The following POLR1C variants were observed in gnomAD, a reference collection of about 807,000 sequenced individuals.
POLR1C encodes RNA polymerase I and III subunit C.
POLR1C carries 42 observed loss-of-function variants against 38.3 expected under a neutral mutation model. That is an observed-to-expected ratio of 1.10 (90% confidence interval 0.86 to 1.42). The LOEUF (loss-of-function observed/expected upper bound fraction) is 1.42, where lower values mean the gene tolerates loss of function less well. Ranked by LOEUF, POLR1C falls within the 40% of genes most tolerant of loss-of-function variation. The pLI is 0.00. For missense variants in POLR1C, 507 were observed against 450.5 expected (o/e 1.13, Z -1.14); for synonymous variants, 163 against 163.9 (o/e 0.99, Z 0.04).
At chr6:43,533,946 C>T, downstream of POLR1C, 1 of 1,607,402 alleles carries the variant, frequency 6.2e-7, no homozygotes. Flanking sequence ...ATATCCAGAG[C>T]CTTGGTGAAA....
chr6:43,555,862 G>C (rs771227200), intron 10 of POLR1C: 1 of 1,613,916 alleles, frequency 6.2e-7, no homozygotes, highest in South Asian at 1.1e-5. Context: ...ATCAAGAAAA[G>C]TTGATAGTTG....
intron 8 of POLR1C, chr6:43,527,530 A>C (rs1793676563): frequency 8.4e-7 from 1 of 1,191,240 alleles, no homozygotes; most frequent in East Asian, 2.4e-5. Context: ...GCCCGCCGCA[A>C]ACATGAATCC....
intron 9 of POLR1C, chr6:43,548,405 A>G (rs773216722): frequency 6.2e-7 from 1 of 1,610,078 alleles, no homozygotes; most frequent in South Asian, 1.1e-5. Flanking sequence ...TTGTGTCAGG[A>G]GTAGCTCATT....
downstream of POLR1C, chr6:43,522,670 T>G (rs1275935866): frequency 2.1e-6 from 1 of 480,432 alleles, no homozygotes; most frequent in Admixed American, 2.1e-5. Flanking sequence ...CCGCACCAGC[T>G]AAAAACTGTA....
intron 6 of POLR1C, 77 bp from the exon 7 acceptor site, chr6:43,520,548 C>T: frequency 6.2e-7 from 1 of 1,601,452 alleles, no homozygotes; most frequent in Non-Finnish European, 8.6e-7. Flanking sequence ...TGTGCTTTTG[C>T]TGTTAGTAGC....
At chr6:43,561,646 T>C (rs1047383230) in exon 11 of POLR1C, 1 of 153,138 alleles carries the variant, frequency 6.5e-6, no homozygotes, top group African/African-American at 2.4e-5. Flanking sequence ...CCCAAAATGC[T>C]GGGATTACAG....
At chr6:43,556,000 CA>C in intron 10 of POLR1C, 3 of 1,610,214 alleles carry the variant, frequency 1.9e-6, no homozygotes, top group Non-Finnish European at 2.5e-6. Flanking sequence ...GGACAGGAAT[CA>C]ATAACTGGTA....
intron 3 of POLR1C, 69 bp from the exon 4 acceptor site, chr6:43,519,637 T>G: frequency 6.3e-7 from 1 of 1,593,764 alleles, no homozygotes; most frequent in Non-Finnish European, 8.6e-7. Flanking sequence ...CTCTGGAGGT[T>G]GGGGTTACGG....
intron 9 of POLR1C, among the ~76,000 whole-genome samples, chr6:43,535,761 C>T (rs1161053680): frequency 6.8e-6 from 1 of 147,140 alleles, no homozygotes; most frequent in Non-Finnish European, 1.5e-5. Context: ...TTGCAATGAG[C>T]TGAAATCGCG....
At chr6:43,525,366 G>A (rs994716502), downstream of POLR1C, 11 of 697,088 alleles carry the variant, frequency 1.6e-5, no homozygotes, top group African/African-American at 2.0e-4. Flanking sequence ...CTGAACTCCT[G>A]GGCTCAAGCT....
exon 11 of POLR1C, chr6:43,562,170 C>T: frequency 4.3e-6 from 5 of 1,150,632 alleles, no homozygotes; most frequent in Non-Finnish European, 6.3e-6. Flanking sequence ...CATTTGCAAC[C>T]CCTCATTGAA....
chr6:43,550,783 G>A (rs1427400880), intron 9 of POLR1C, among the ~76,000 whole-genome samples: 1 of 152,038 alleles, frequency 6.6e-6, no homozygotes. Context: ...TTGTGATCTG[G>A]TATTCTGACT....
chr6:43,526,074 G>C (rs1050963736), downstream of POLR1C: 30 of 691,158 alleles, frequency 4.3e-5, no homozygotes, highest in Admixed American at 1.3e-4. Context: ...TCCACATAAT[G>C]CCCATGCCCA....
intron 9 of POLR1C, chr6:43,547,434 A>G: frequency 1.4e-6 from 1 of 697,458 alleles, no homozygotes; most frequent in Non-Finnish European, 2.6e-6. Flanking sequence ...TGCTGTGGGA[A>G]CTAACTCAAG....
intron 10 of POLR1C, chr6:43,555,959 G>A: frequency 6.2e-7 from 1 of 1,613,512 alleles, no homozygotes; most frequent in Non-Finnish European, 8.5e-7. Context: ...TGTTGTGCTC[G>A]GGAGGCTGCC....
chr6:43,527,933 TTAAAA>T (rs1404586797), intron 8 of POLR1C, among the ~76,000 whole-genome samples: 4 of 152,182 alleles, frequency 2.6e-5, no homozygotes, highest in African/African-American at 9.7e-5. Context: ...CATTACAGAA[TTAAAA>T]TAAGTGAGTA....
intron 10 of POLR1C, among the ~76,000 whole-genome samples, chr6:43,558,050 G>A (rs1227654417): frequency 6.6e-5 from 10 of 151,244 alleles, no homozygotes; most frequent in African/African-American, 1.5e-4. Context: ...AGCCGAGATC[G>A]CGCCATTGCA....
At chr6:43,524,390 T>C (rs1292027045), downstream of POLR1C, 8 of 1,338,082 alleles carry the variant, frequency 6.0e-6, no homozygotes, top group African/African-American at 1.5e-5. Context: ...TAATGGTCAA[T>C]AACTACAGCT....
rs1792872136 is a variant in POLR1C, at chr6:43,517,130, G to A, written c.21G>A (p.Val7=). The change falls in exon 1 of 9, where the codon GTG becomes GTA. Residue 7 remains valine (V), a synonymous_variant. Transcript: ENST00000642195. MAASQA[V]EEMRSRVVLG... Reference sequence around the variant, plus strand: ...TGAAGATGGCGGCTTCTCAGGCGGTGGAGGAAATGCGGAGCCGCGTGGTTC... The same window carrying A: ...TGAAGATGGCGGCTTCTCAGGCGGTAGAGGAAATGCGGAGCCGCGTGGTTC... 2.5e-6 allele frequency: 4 copies of A among 1,614,060 alleles called. No individual in the cohort carries two copies. The highest frequency in any genetic ancestry group is 1.3e-5 in the African/African-American group (1 of 74,924).
Sources: allele counts gnomAD v4.1 joint callset (sites outside exome capture counted in the v4.1 genomes callset), GRCh38; gene constraint gnomAD v4.1.1; transcripts MANE v1.5; gene names NCBI Gene and HGNC (gene_info 2026-07-23, HGNC 2026-07-21).